CNTLN: variants seen among roughly 807,000 people sequenced by gnomAD.
CNTLN encodes centlein.
In CNTLN, 212 loss-of-function variants were observed where a neutral mutation model predicts 180.0. The ratio of observed to expected loss-of-function variants is 1.18; its 90% CI spans 1.05 to 1.32. CNTLN has a LOEUF of 1.32. Ranked by LOEUF, CNTLN falls within the 40% of genes most tolerant of loss-of-function variation. The pLI is 0.00. For synonymous variants in CNTLN, 722 were observed against 563.1 expected (o/e 1.28, Z -3.99); for missense variants, 2,095 against 1,610.9 (o/e 1.30, Z -5.14).
intron 23 of CNTLN, among the ~76,000 whole-genome samples, chr9:17,474,025 C>T (rs1406492416): frequency 6.6e-6 from 1 of 152,136 alleles, no homozygotes; most frequent in Non-Finnish European, 1.5e-5. Flanking sequence ...TCCTGACAGA[C>T]ATAAGTGTTG....
the CNTLN span, among the ~76,000 whole-genome samples, chr9:17,509,672 A>G: frequency 6.6e-6 from 1 of 152,140 alleles, no homozygotes; most frequent in African/African-American, 2.4e-5. Flanking sequence ...AGTGTCTAAT[A>G]TATGGTGCCA....
chr9:17,163,402 C>G (rs994729071), intron 2 of CNTLN, among the ~76,000 whole-genome samples: 2 of 152,184 alleles, frequency 1.3e-5, no homozygotes, highest in African/African-American at 4.8e-5. Flanking sequence ...TAACAAAGTA[C>G]AAGTTGATAC....
At chr9:17,140,441 A>G (rs895677111) in intron 1 of CNTLN, among the ~76,000 whole-genome samples, 22 of 149,636 alleles carry the variant, frequency 1.5e-4, no homozygotes, top group African/African-American at 4.6e-4. Flanking sequence ...GGTAATGGTT[A>G]TGTTTTTTTC....
chr9:17,472,508 T>A (rs1311503414), intron 23 of CNTLN, among the ~76,000 whole-genome samples: 2 of 152,148 alleles, frequency 1.3e-5, no homozygotes, highest in Non-Finnish European at 2.9e-5. Context: ...TTCTTCAGCA[T>A]CCTCACTTCC....
chr9:17,144,885 A>G (rs1818345059), intron 2 of CNTLN, among the ~76,000 whole-genome samples: 1 of 148,780 alleles, frequency 6.7e-6, no homozygotes, highest in Admixed American at 6.7e-5. Flanking sequence ...CCCAGGCCAG[A>G]CTGCGGACTG....
intron 5 of CNTLN, among the ~76,000 whole-genome samples, chr9:17,268,902 G>C (rs971679250): frequency 3.3e-5 from 5 of 151,832 alleles, no homozygotes; most frequent in Non-Finnish European, 7.4e-5. Flanking sequence ...GCAGTATTAG[G>C]GTGGGAGTGA....
At chr9:17,515,376 A>G in the CNTLN span, among the ~76,000 whole-genome samples, 15 of 152,054 alleles carry the variant, frequency 9.9e-5, no homozygotes, top group African/African-American at 3.6e-4. Flanking sequence ...TCTGTAGTTG[A>G]TCTTAACTAA....
At chr9:17,248,375 T>C (rs1025718318) in intron 5 of CNTLN, among the ~76,000 whole-genome samples, 1 of 151,950 alleles carries the variant, frequency 6.6e-6, no homozygotes, top group African/African-American at 2.4e-5. Flanking sequence ...AATTTTTCTT[T>C]TTTGGGAGAT....
chr9:17,309,270 A>G lies in CNTLN; in HGVS notation c.1341+18A>G, dbSNP rs1185434849. The G allele has an allele frequency of 6.6e-7, 1 of 1,521,112 alleles. No individual in the cohort carries two copies. Among genetic ancestry groups the G allele is most frequent in the Non-Finnish European group, 8.8e-7 (1 of 1,133,244 alleles). 94.2% of individuals were successfully genotyped at this position (1,521,112 alleles called of 1,614,324 possible). A position where few individuals can be genotyped will look rare whatever the true frequency, so the allele number is the denominator to read the frequency against. ...CAGCACAGGTGAGAGACATTTTCTA[A>G]AACTGTTATTCAGTGTAATATTAAA... On this transcript the variant is annotated intron_variant, in intron 8 of 25. Coordinates refer to ENST00000380647, the MANE Select transcript of CNTLN (RefSeq NM_017738.4).
At chr9:17,173,706 G>T (rs1482130158) in intron 2 of CNTLN, among the ~76,000 whole-genome samples, 1 of 152,172 alleles carries the variant, frequency 6.6e-6, no homozygotes, top group Non-Finnish European at 1.5e-5. Flanking sequence ...AGACTTAAAG[G>T]GTGTTTTCAA....
intron 8 of CNTLN, among the ~76,000 whole-genome samples, chr9:17,325,329 C>G (rs567139587): frequency 8.6e-5 from 13 of 150,850 alleles, no homozygotes; most frequent in Non-Finnish European, 1.5e-4. Flanking sequence ...AAGTTAATCT[C>G]TGAATATGGG....
intron 6 of CNTLN, among the ~76,000 whole-genome samples, chr9:17,295,705 G>A (rs1026984801): frequency 6.6e-6 from 1 of 152,044 alleles, no homozygotes; most frequent in Non-Finnish European, 1.5e-5. Flanking sequence ...CTTTCCGCTG[G>A]TTCAGATGTG....
the CNTLN span, among the ~76,000 whole-genome samples, chr9:17,521,331 A>C: frequency 6.7e-6 from 1 of 149,324 alleles, no homozygotes; most frequent in Non-Finnish European, 1.5e-5. Context: ...GGCAGCTACA[A>C]AGGCACTAAT....
intron 23 of CNTLN, among the ~76,000 whole-genome samples, chr9:17,467,353 A>C (rs1382595944): frequency 6.6e-6 from 1 of 151,588 alleles, no homozygotes; most frequent in Non-Finnish European, 1.5e-5. Context: ...GACAAACTCA[A>C]GTATCTGCAG....
At chr9:17,171,637 C>A (rs1390402067) in intron 2 of CNTLN, among the ~76,000 whole-genome samples, 2 of 152,018 alleles carry the variant, frequency 1.3e-5, no homozygotes, top group Admixed American at 6.6e-5. Flanking sequence ...TATGGAGTGG[C>A]CATGGAGCTG....
At chr9:17,392,313 G>T (rs1057235086) in intron 14 of CNTLN, among the ~76,000 whole-genome samples, 3 of 152,094 alleles carry the variant, frequency 2.0e-5, no homozygotes, top group East Asian at 1.9e-4. Context: ...TTAAAAAATA[G>T]AGTATGTTTT....
At chr9:17,217,985 G>T (rs956534318) in intron 2 of CNTLN, among the ~76,000 whole-genome samples, 1 of 151,902 alleles carries the variant, frequency 6.6e-6, no homozygotes, top group Admixed American at 6.6e-5. Flanking sequence ...TTGAATTGTT[G>T]CTTCTTTGTT....
chr9:17,526,910 C>T, the CNTLN span, among the ~76,000 whole-genome samples: 2 of 151,890 alleles, frequency 1.3e-5, no homozygotes, highest in African/African-American at 4.8e-5. Context: ...GGCGGAGTCT[C>T]GCTGTCGCCC....
intron 10 of CNTLN, among the ~76,000 whole-genome samples, chr9:17,335,200 C>A (rs541714809): frequency 2.0e-5 from 3 of 152,182 alleles, no homozygotes; most frequent in African/African-American, 7.2e-5. Flanking sequence ...CATCTAGGAA[C>A]CTTTGTTCAA....
Sources: gnomAD v4.1 joint callset for allele counts (sites outside exome capture counted in the v4.1 genomes callset) on GRCh38, gnomAD v4.1.1 for gene constraint, MANE v1.5 for transcripts, NCBI Gene and HGNC (gene_info 2026-07-23, HGNC 2026-07-21) for gene names.